The following GSDME variants were observed in gnomAD, a reference collection of about 807,000 sequenced individuals.
GSDME encodes gasdermin-E.
GSDME carries 44 observed loss-of-function variants against 47.5 expected under a neutral mutation model. That is an observed-to-expected ratio of 0.93 (90% confidence interval 0.73 to 1.19). The LOEUF (loss-of-function observed/expected upper bound fraction) is 1.19. GSDME is among the 50% of genes most tolerant of loss of function. The probability of loss-of-function intolerance (pLI) is 0.00; values close to 1 mark genes in which losing one functional copy is unlikely to be tolerated. For synonymous variants in GSDME, 258 were observed against 252.8 expected (o/e 1.02, Z -0.20); for missense variants, 663 against 604.2 (o/e 1.10, Z -1.02).
At chr7:24,709,660 A>G (rs1204172550) in intron 6 of GSDME, among the ~76,000 whole-genome samples, 1 of 152,082 alleles carries the variant, frequency 6.6e-6, no homozygotes, top group African/African-American at 2.4e-5. Flanking sequence ...CCGACAAAAG[A>G]AACCAGCTTT....
Position 24,748,166 on chromosome 7 carries a change from A to ATT in GSDME, c.211+1397_211+1398insAA, listed in dbSNP as rs1359637602. Among the ~76,000 whole-genome samples the ATT allele has an allele frequency of 2.8e-3, 272 of 97,724 alleles. 2 individuals carry two copies. Among genetic ancestry groups the ATT allele is most frequent in the African/African-American group, 7.3e-3 (240 of 32,976 alleles). The allele number at this position is 97,724 out of a possible 152,430, so 64.1% of individuals were successfully genotyped here. ...AGAGTATATATATATATATATATAT[A>ATT]TATTTTTTTTTGAGATGGAATCTCA... is the stretch of plus-strand genomic sequence containing the variant. On this transcript the variant is annotated intron_variant, in intron 2 of 9. Transcript: ENST00000645220.
At chr7:24,708,013 C>CT in intron 7 of GSDME, 114 bp downstream of exon 7, 2 of 1,341,002 alleles carry the variant, frequency 1.5e-6, no homozygotes, top group Non-Finnish European at 2.1e-6. Flanking sequence ...AGAAAAGAGA[C>CT]AGCTGTAGGG....
At chr7:24,741,942 G>A (rs2237323) in intron 3 of GSDME, among the ~76,000 whole-genome samples, 18,968 of 152,080 alleles carry the variant, frequency 0.12, 1,280 homozygotes, top group Middle Eastern at 0.22. Context: ...ACAAGGGTGA[G>A]GTGATTCTGT....
chr7:24,747,337 C>G (rs116967572), intron 2 of GSDME, among the ~76,000 whole-genome samples: 1 of 152,208 alleles, frequency 6.6e-6, no homozygotes, highest in Non-Finnish European at 1.5e-5. Context: ...TGGCTGGAAT[C>G]GTTTCCTGGA....
rs1419503810 is a variant in GSDME, at chr7:24,711,459, A to G, written c.698-1071T>C. On this transcript the variant is annotated intron_variant, in intron 5 of 9. Coordinates refer to ENST00000645220, the MANE Select transcript of GSDME (RefSeq NM_001127453.2). ...AGGCTGACCTCAAGTTGATCCACCT[A>G]CCTCAGCCTCCCAAAGTGCTGGGAT... 2.6e-5 allele frequency among the ~76,000 whole-genome samples: 4 copies of G among 151,896 alleles called. No homozygotes were observed. In the East Asian group the frequency reaches 5.8e-4, roughly 22 times the overall value.
chr7:24,741,995 T>C (rs987094821), intron 3 of GSDME, among the ~76,000 whole-genome samples: 8 of 152,142 alleles, frequency 5.3e-5, no homozygotes, highest in African/African-American at 1.9e-4. Flanking sequence ...ATTTATTCTT[T>C]ATCATGCTTC....
chr7:24,760,754 A>G (rs1265600976), upstream of GSDME, among the ~76,000 whole-genome samples: 1 of 152,224 alleles, frequency 6.6e-6, no homozygotes, highest in East Asian at 1.9e-4. This position sits in a 1 kb window ranked among gnomAD's most constrained non-coding sequence, Gnocchi z 4.2. Flanking sequence ...ACCTCCCTAA[A>G]TCCCAAAAGT....
At position 24,726,169 on chromosome 7, in the gene GSDME, G is replaced by A. The variant is rs922458912; in HGVS notation, c.405-6951C>T. ...CCCCAGGCCCAGCCCTAATGAAGCC[G>A]CCTCCTCTCCCAGCCTGAAGCTTTA... On this transcript the variant is annotated intron_variant, in intron 3 of 9. Transcript: ENST00000645220. The surrounding 1 kb of genome is among the most constrained non-coding windows in gnomAD (Gnocchi z 5.6). Among the ~76,000 whole-genome samples, 8 of 152,136 alleles carry A rather than the reference G, an allele frequency of 5.3e-5. No individual in the cohort carries two copies. Among genetic ancestry groups the A allele is most frequent in the African/African-American group, 9.7e-5 (4 of 41,424 alleles).
In GSDME at chr7:24,754,897, G is replaced by C. The variant is rs1352774013; in HGVS notation, c.-20+2499C>G. On this transcript the variant is annotated intron_variant, in intron 1 of 9. Coordinates refer to ENST00000645220, the MANE Select transcript of GSDME (RefSeq NM_001127453.2). The surrounding 1 kb of genome is among the most constrained non-coding windows in gnomAD (Gnocchi z 5.0). ...TGAACCCTGGGCCTCTGCCTGAAGAGTTCTAGAAAAGAAACTTCAACATCA... is the reference window on the plus strand; with the variant it reads ...TGAACCCTGGGCCTCTGCCTGAAGACTTCTAGAAAAGAAACTTCAACATCA... Among the ~76,000 whole-genome samples the C allele has an allele frequency of 6.6e-6, 1 of 152,208 alleles. No homozygotes were observed. Among genetic ancestry groups the C allele is most frequent in the African/African-American group, 2.4e-5 (1 of 41,442 alleles).
At position 24,699,228 on chromosome 7, in the gene GSDME, T is replaced by A. The variant is rs1788760453; in HGVS notation, c.1289A>T (p.Asp430Val). Residue 430 changes from aspartate to valine, a missense_variant, in exon 10 of 10, where the codon GAT becomes GTT. Transcript: ENST00000645220. ...GGGAGTCAAGGTTGGGTCTTCAAGATCAGATACTCCATCATCAGACAGAGC... is the reference window on the plus strand; with the variant it reads ...GGGAGTCAAGGTTGGGTCTTCAAGAACAGATACTCCATCATCAGACAGAGC... ...LRALSDDGVS[D>V]LEDPTLTPLK... 1.2e-6 allele frequency: 2 copies of A among 1,614,008 alleles called. No individual in the cohort carries two copies. The highest frequency in any genetic ancestry group is 1.7e-6 in the Non-Finnish European group (2 of 1,179,910).
At chr7:24,731,117 A>T (rs1790129551) in intron 3 of GSDME, among the ~76,000 whole-genome samples, 1 of 152,206 alleles carries the variant, frequency 6.6e-6, no homozygotes, top group African/African-American at 2.4e-5. Context: ...AAAAGAGTGG[A>T]TTTCGTGGGG....
intron 3 of GSDME, among the ~76,000 whole-genome samples, chr7:24,722,461 C>G (rs181666982): frequency 6.6e-6 from 1 of 152,336 alleles, no homozygotes; most frequent in East Asian, 1.9e-4. Context: ...CCAATGGTCT[C>G]TTCCTTCTAT....
At chr7:24,769,195 C>T in the GSDME span, among the ~76,000 whole-genome samples, 1 of 152,140 alleles carries the variant, frequency 6.6e-6, no homozygotes, top group Non-Finnish European at 1.5e-5. Flanking sequence ...GATTCAGAGA[C>T]TCACAACTTA....
chr7:24,783,441 G>T, the GSDME span, among the ~76,000 whole-genome samples: 1 of 152,158 alleles, frequency 6.6e-6, no homozygotes, highest in African/African-American at 2.4e-5. Flanking sequence ...ACCCTCGGGG[G>T]TTTGCTCCAG....
At position 24,699,230 on chromosome 7, in the gene GSDME, A is replaced by G. The variant is rs776550185; in HGVS notation, c.1287T>C (p.Ser429=). 1 of 1,614,018 alleles carries G rather than the reference A, an allele frequency of 6.2e-7. No homozygotes were observed. The highest frequency in any genetic ancestry group is 8.5e-7 in the Non-Finnish European group (1 of 1,179,854). The change falls in exon 10 of 10, where the codon TCT becomes TCC. Residue 429 remains serine, a synonymous_variant. Transcript: ENST00000645220. ...LLRALSDDGV[S]DLEDPTLTPL... is the part of the protein sequence containing the mutation. ...GAGTCAAGGTTGGGTCTTCAAGATC[A>G]GATACTCCATCATCAGACAGAGCAC...
At chr7:24,753,735 C>T (rs1156266764) in intron 1 of GSDME, among the ~76,000 whole-genome samples, 1 of 152,208 alleles carries the variant, frequency 6.6e-6, no homozygotes, top group Non-Finnish European at 1.5e-5. Context: ...TAAAATCAAG[C>T]ATCTTTTATT....
At chr7:24,760,784 G>C (rs541351001), upstream of GSDME, among the ~76,000 whole-genome samples, 7 of 152,272 alleles carry the variant, frequency 4.6e-5, no homozygotes, top group African/African-American at 1.4e-4. This position sits in a 1 kb window ranked among gnomAD's most constrained non-coding sequence, Gnocchi z 4.2. Context: ...ACTGGAGACT[G>C]TATTGCCAAT....
At chr7:24,789,632 C>T in the GSDME span, among the ~76,000 whole-genome samples, 1 of 152,186 alleles carries the variant, frequency 6.6e-6, no homozygotes, top group African/African-American at 2.4e-5. Flanking sequence ...AGGCCCAGGG[C>T]GCAAGCTGGG....
chr7:24,703,247 T>G (rs1788954323), intron 8 of GSDME: 3 of 334,952 alleles, frequency 9.0e-6, no homozygotes, highest in Admixed American at 8.2e-5. Context: ...TTTACCATAG[T>G]TGTTTTGTTT....
Sources: allele counts gnomAD v4.1 joint callset (sites outside exome capture counted in the v4.1 genomes callset), GRCh38; gene constraint gnomAD v4.1.1; non-coding constraint Gnocchi (gnomAD v3.1); transcripts MANE v1.5; gene names NCBI Gene and HGNC (gene_info 2026-07-23, HGNC 2026-07-21).